LPA: variants seen among roughly 807,000 people sequenced by gnomAD.
LPA encodes lipoprotein(a).
LPA carries 199 observed loss-of-function variants against 197.9 expected under a neutral mutation model. The observed-to-expected ratio is 1.01, with a 90% CI of 0.90 to 1.13. The LOEUF (loss-of-function observed/expected upper bound fraction) is 1.13, where lower values mean the gene tolerates loss of function less well. Ranked by LOEUF, LPA falls within the 50% of genes most tolerant of loss-of-function variation. The pLI, the probability that LPA is intolerant of heterozygous loss-of-function variation, is 0.00. For missense variants in LPA, 1,853 were observed against 1,785.8 expected (o/e 1.04, Z -0.68); for synonymous variants, 715 against 639.5 (o/e 1.12, Z -1.78).
At chr6:160,567,244 G>A (rs894658385) in intron 28 of LPA, among the ~76,000 whole-genome samples, 1 of 152,200 alleles carries the variant, frequency 6.6e-6, no homozygotes, top group African/African-American at 2.4e-5. Context: ...ATAGTTGGAA[G>A]TGAGGCATTC....
In LPA at chr6:160,591,003, G is replaced by C. The variant is rs749573224; in HGVS notation, c.3728C>G (p.Thr1243Arg). ...ACTTGATTCTGTCACTGGACATTGT[G>C]TCAGGTTGCAGTACTCCCATCTGAC... Reference protein sequence around the residue: ...PNVRWEYCNLTQCPVTESSVL... With the variant: ...PNVRWEYCNLRQCPVTESSVL... Residue 1243 changes from threonine to arginine, a missense_variant, in exon 23 of 39, where the codon ACA (threonine) becomes AGA (arginine). Thr to Arg is a moderately conservative substitution (Grantham distance 71). Coordinates refer to ENST00000316300, the MANE Select transcript of LPA (RefSeq NM_005577.4). 4 of 1,614,016 alleles carry C rather than the reference G, an allele frequency of 2.5e-6. No homozygotes were observed. Among genetic ancestry groups the C allele is most frequent in the Non-Finnish European group, 2.5e-6 (3 of 1,179,940 alleles).
At chr6:160,584,181 T>A (rs1184390732) in intron 26 of LPA, among the ~76,000 whole-genome samples, 3 of 55,766 alleles carry the variant, frequency 5.4e-5, no homozygotes, top group Non-Finnish European at 9.7e-5. Context: ...TTCTTCTTCT[T>A]CTTCTTCTTC....
At chr6:160,605,827 C>A (rs1352698351) in intron 17 of LPA, among the ~76,000 whole-genome samples, 2 of 152,140 alleles carry the variant, frequency 1.3e-5, no homozygotes, top group Non-Finnish European at 2.9e-5. Context: ...GACCCACATC[C>A]TGAGTTGCAA....
rs754047895 is a variant in LPA at position 160,589,684 on chromosome 6, C to A, written c.3816G>T (p.Gln1272His). 1 of 1,613,872 alleles carries A rather than the reference C, an allele frequency of 6.2e-7. No individual in the cohort carries two copies. Among genetic ancestry groups the A allele is most frequent in the South Asian group, 1.1e-5 (1 of 91,072 alleles). ...QAPTEQSPTV[Q>H]DCYHGDGQSY... ...TCTGTCCATCACCATGGTAGCAGTC[C>A]TGGACTGTGGGGCTTTGCTCCGTTG... is the stretch of plus-strand genomic sequence containing the variant. The change falls in exon 24 of 39, where the codon CAG becomes CAT. Residue 1272 changes from glutamine to histidine, a missense_variant. Around this residue, in one of 3 missense-constraint regions of LPA, gnomAD observed 1,737 missense variants for 1,504.4 expected, o/e 1.15. Coordinates refer to ENST00000316300, the MANE Select transcript of LPA (RefSeq NM_005577.4).
At chr6:160,568,163 A>G (rs1292148672) in intron 28 of LPA, among the ~76,000 whole-genome samples, 2 of 152,196 alleles carry the variant, frequency 1.3e-5, no homozygotes. Context: ...TCCTGATACC[A>G]AATCCTGGCA....
chr6:160,591,137 G>A, intron 22 of LPA, 36 bp from the exon 23 acceptor site: 1 of 1,611,540 alleles, frequency 6.2e-7, no homozygotes, highest in Non-Finnish European at 8.5e-7. Flanking sequence ...CACCAGAGAT[G>A]GGAGAAGATA....
chr6:160,539,396 A>C (rs1316226161), intron 36 of LPA, among the ~76,000 whole-genome samples: 1 of 152,128 alleles, frequency 6.6e-6, no homozygotes, highest in Non-Finnish European at 1.5e-5. Context: ...AAATCAAAGA[A>C]GACAACAATA....
intron 36 of LPA, among the ~76,000 whole-genome samples, chr6:160,539,648 G>A (rs1777948891): frequency 6.6e-6 from 1 of 151,998 alleles, no homozygotes; most frequent in African/African-American, 2.4e-5. Flanking sequence ...CCCACACTAA[G>A]CATGGCTCGA....
Position 160,605,092 on chromosome 6 carries a change from T to C in LPA, c.2899A>G (p.Met967Val). ...TGRTCQAWSS[M>V]TPHSHSRTPA... ...GTCCGACTATGCGAGTGTGGTGTCA[T>C]AGATGACCAAGCTTGGCAGGTTCTT... is the stretch of plus-strand genomic sequence containing the variant. The change falls in exon 18 of 39, where the codon ATG (methionine) becomes GTG (valine). Residue 967 changes from methionine to valine, a missense_variant. Met to Val is a conservative substitution (Grantham distance 21, BLOSUM62 1). Transcript: ENST00000316300. The C allele has an allele frequency of 8.7e-6, 14 of 1,613,916 alleles. No homozygotes were observed. Among genetic ancestry groups the C allele is most frequent in the Non-Finnish European group, 1.1e-5 (13 of 1,179,820 alleles).
At chr6:160,562,423 T>C (rs1399401459) in intron 28 of LPA, among the ~76,000 whole-genome samples, 1 of 152,244 alleles carries the variant, frequency 6.6e-6, no homozygotes, top group African/African-American at 2.4e-5. Flanking sequence ...GAAGCCAACT[T>C]GATCATGGTG....
chr6:160,610,160 A>C (rs530811163), intron 16 of LPA, among the ~76,000 whole-genome samples: 1 of 152,152 alleles, frequency 6.6e-6, no homozygotes, highest in South Asian at 2.1e-4. Context: ...GATCACACGA[A>C]ATTCTTTTCT....
chr6:160,575,022 G>C (rs1471857060), intron 28 of LPA, among the ~76,000 whole-genome samples: 1 of 152,128 alleles, frequency 6.6e-6, no homozygotes, highest in African/African-American at 2.4e-5. Flanking sequence ...TCAGTCATTT[G>C]TGTAACTGTT....
At chr6:160,550,871 G>T (rs1378671341) in intron 30 of LPA, among the ~76,000 whole-genome samples, 2 of 152,128 alleles carry the variant, frequency 1.3e-5, no homozygotes, top group Non-Finnish European at 2.9e-5. Flanking sequence ...TCAAAAACAT[G>T]CTCCCTTTTA....
Position 160,553,937 on chromosome 6 carries a change from C to CTGTGTGTGTGTGTGTGTGTGTG in LPA, c.4973+2087_4973+2088insCACACACACACACACACACACA, listed in dbSNP as rs59853609. On this transcript the variant is annotated intron_variant, in intron 30 of 38. Transcript: ENST00000316300. ...TCTCTCTTTCTCTCTCTCTCTCTCT[C>CTGTGTGTGTGTGTGTGTGTGTG]TGTGTGTGTGTGTGTGTGCGCGCGC... 5.9e-3 allele frequency among the ~76,000 whole-genome samples: 818 copies of CTGTGTGTGTGTGTGTGTGTGTG among 139,088 alleles called. 7 individuals are homozygous for CTGTGTGTGTGTGTGTGTGTGTG. The highest frequency in any genetic ancestry group is 0.012 in the Admixed American group (170 of 14,120). The allele number at this position is 139,088 out of a possible 152,430, so 91.2% of individuals were successfully genotyped here. A position where few individuals can be genotyped will look rare whatever the true frequency, so the allele number is the denominator to read the frequency against.
At chr6:160,599,788 C>A (rs563118918) in intron 19 of LPA, 129 bp from the exon 20 acceptor site, 36 of 969,922 alleles carry the variant, frequency 3.7e-5, no homozygotes, top group Admixed American at 1.0e-4. Flanking sequence ...TATTAATAGG[C>A]AAATGGACAT....
At chr6:160,556,722 T>G (rs1778271353) in intron 29 of LPA, among the ~76,000 whole-genome samples, 2 of 151,992 alleles carry the variant, frequency 1.3e-5, no homozygotes, top group South Asian at 2.1e-4. Flanking sequence ...TCCCTTACAG[T>G]AGAGACAGGG....
intron 1 of LPA, among the ~76,000 whole-genome samples, chr6:160,657,855 C>A (rs1345626469): frequency 6.6e-6 from 1 of 152,176 alleles, no homozygotes; most frequent in Non-Finnish European, 1.5e-5. Context: ...CTCCAGATTT[C>A]TGCCAATATA....
intron 30 of LPA, among the ~76,000 whole-genome samples, chr6:160,552,017 A>G (rs1279413203): frequency 4.6e-5 from 7 of 151,830 alleles, no homozygotes; most frequent in African/African-American, 1.7e-4. Flanking sequence ...GAGTCAAGCA[A>G]TCCTCTCACC....
At chr6:160,574,844 A>G (rs531637930) in intron 28 of LPA, among the ~76,000 whole-genome samples, 19 of 152,222 alleles carry the variant, frequency 1.2e-4, no homozygotes, top group Non-Finnish European at 2.4e-4. Flanking sequence ...TGCAGTCAAT[A>G]TGGGGCTAAA....
Sources: allele counts gnomAD v4.1 joint callset (sites outside exome capture counted in the v4.1 genomes callset), GRCh38; gene constraint gnomAD v4.1.1; regional missense constraint gnomAD v4.1.1; transcripts MANE v1.5; gene names NCBI Gene and HGNC (gene_info 2026-07-23, HGNC 2026-07-21).